MAP3K4: variants seen among roughly 807,000 people sequenced by gnomAD.
The protein encoded by MAP3K4 is mitogen-activated protein kinase kinase kinase 4, also known as MAP three kinase 1.
A neutral mutation model predicts 185.6 loss-of-function variants in MAP3K4; 67 were observed. The observed-to-expected ratio is 0.36, with a 90% CI of 0.30 to 0.44. The LOEUF is 0.44. MAP3K4 is among the 20% of genes least tolerant of loss of function. The probability of loss-of-function intolerance (pLI) is 1.00; values close to 1 mark genes in which losing one functional copy is unlikely to be tolerated. For missense variants in MAP3K4, 1,551 were observed against 1,995.1 expected, an observed-to-expected ratio of 0.78 and a Z score of 4.24; for synonymous variants, 702 against 710.4, an observed-to-expected ratio of 0.99 and a Z score of 0.19.
intron 1 of MAP3K4, among the ~76,000 whole-genome samples, chr6:160,992,838 A>C (rs184155110): frequency 2.6e-5 from 4 of 152,236 alleles, no homozygotes; most frequent in African/African-American, 9.6e-5. Flanking sequence ...AATTGAGAGA[A>C]CAAACTCACC....
In MAP3K4 at chr6:161,073,618, A is replaced by G. The variant is rs1462339108; in HGVS notation, c.2097+6A>G. 1 of 1,602,018 alleles carries G rather than the reference A, an allele frequency of 6.2e-7. No individual in the cohort carries two copies. Among genetic ancestry groups the G allele is most frequent in the Admixed American group, 1.8e-5 (1 of 57,022 alleles). On this transcript the variant is annotated splice_donor_region_variant and intron_variant, in intron 5 of 26. Transcript: ENST00000392142. This position sits in a 1 kb window ranked among gnomAD's most constrained non-coding sequence, Gnocchi z 4.2. ...ATCTACATAAAATGCTTATGGTCAG[A>G]AGCAGTGGGGAGGAATTTTTCTTTC...
rs1783072982 is a variant in MAP3K4, at chr6:161,034,512, A to G, written c.343+63A>G. On this transcript the variant is annotated intron_variant, in intron 2 of 26. Coordinates refer to ENST00000392142, the MANE Select transcript of MAP3K4 (RefSeq NM_005922.4). The surrounding 1 kb of genome is among the most constrained non-coding windows in gnomAD (Gnocchi z 4.4). Reference sequence around the variant, plus strand: ...GTATGGCACTTGATTGATTCTTTCAACAATAAAGTTAGCAATTTCTTTTAT... The same window carrying G: ...GTATGGCACTTGATTGATTCTTTCAGCAATAAAGTTAGCAATTTCTTTTAT... The G allele has an allele frequency of 3.1e-6, 4 of 1,309,518 alleles. No homozygotes were observed. Among genetic ancestry groups the G allele is most frequent in the South Asian group, 1.5e-5 (1 of 65,824 alleles). The allele number at this position is 1,309,518 out of a possible 1,614,324, so 81.1% of individuals were successfully genotyped here. A position where few individuals can be genotyped will look rare whatever the true frequency, so the allele number is the denominator to read the frequency against.
chr6:161,074,350 C>T lies in MAP3K4; in HGVS notation c.2097+738C>T, dbSNP rs749516663. 2.3e-4 allele frequency among the ~76,000 whole-genome samples: 35 copies of T among 152,340 alleles called. No homozygotes were observed. The highest frequency in any genetic ancestry group is 6.2e-4 in the South Asian group (3 of 4,828). On this transcript the variant is annotated intron_variant, in intron 5 of 26. Coordinates refer to ENST00000392142, the MANE Select transcript of MAP3K4 (RefSeq NM_005922.4). This position sits in a 1 kb window ranked among gnomAD's most constrained non-coding sequence, Gnocchi z 5.0. ...CACTGAATGTGCCCTGTGCTTTTAA[C>T]CTCTGTTCACATTCTTCTTTCCTGT... is the stretch of plus-strand genomic sequence containing the variant.
chr6:161,002,059 T>G (rs1216256238), intron 1 of MAP3K4, among the ~76,000 whole-genome samples: 2 of 151,194 alleles, frequency 1.3e-5, no homozygotes, highest in African/African-American at 2.4e-5. Context: ...GGTTTTTTTT[T>G]TTTTTTTTTT....
At chr6:161,036,581 T>A (rs1783174240) in intron 2 of MAP3K4, among the ~76,000 whole-genome samples, 2 of 152,244 alleles carry the variant, frequency 1.3e-5, no homozygotes, top group African/African-American at 4.8e-5. Flanking sequence ...TGAACTTTTT[T>A]TGTCACAGAA....
Position 161,112,041 on chromosome 6 carries a change from T to C in MAP3K4, c.4519+83T>C. On this transcript the variant is annotated intron_variant, in intron 24 of 26. Transcript: ENST00000392142. The surrounding 1 kb of genome is among the most constrained non-coding windows in gnomAD (Gnocchi z 5.1). Reference sequence around the variant, plus strand: ...TGCATGTTCCCTTCACCTTTGTTTGTCAGTAGAGATGGGAGAGCAGGTAAA... The same window carrying C: ...TGCATGTTCCCTTCACCTTTGTTTGCCAGTAGAGATGGGAGAGCAGGTAAA... The C allele has an allele frequency of 1.3e-6, 2 of 1,547,492 alleles. No homozygotes were observed. Among genetic ancestry groups the C allele is most frequent in the Non-Finnish European group, 1.8e-6 (2 of 1,140,692 alleles).
chr6:161,048,888 A>G lies in MAP3K4; in HGVS notation c.616A>G (p.Ile206Val), dbSNP rs148565000. The part of the protein sequence containing the change: ...AKLPVSVPMP[I>V]ARPARQTSRT... Reference sequence around the variant, plus strand: ...GCTTCCAGTATCTGTGCCCATGCCTATAGCCAGACCTGCACGCCAGACTTC... The same window carrying G: ...GCTTCCAGTATCTGTGCCCATGCCTGTAGCCAGACCTGCACGCCAGACTTC... The change falls in exon 3 of 27, where the codon ATA becomes GTA. Residue 206 changes from isoleucine (I) to valine (V), a missense_variant. Transcript: ENST00000392142. The surrounding 1 kb of genome is among the most constrained non-coding windows in gnomAD (Gnocchi z 4.7). 1,228 of 1,614,110 alleles carry G rather than the reference A, an allele frequency of 7.6e-4. No individual in the cohort carries two copies. Among genetic ancestry groups the G allele is most frequent in the Non-Finnish European group, 9.9e-4 (1,169 of 1,180,048 alleles).
In MAP3K4 at chr6:161,049,344, A is replaced by G; in HGVS notation, c.1072A>G (p.Met358Val). 3 of 1,614,156 alleles carry G rather than the reference A, an allele frequency of 1.9e-6. No individual in the cohort carries two copies. The highest frequency in any genetic ancestry group is 1.1e-5 in the South Asian group (1 of 91,086). The part of the protein sequence containing the change: ...RVSFEQVKRI[M>V]ELLEYIEALY... ...CTCATTTGAGCAGGTAAAACGGATA[A>G]TGGAGCTGCTAGAGTACATAGAAGC... is the stretch of plus-strand genomic sequence containing the variant. The change falls in exon 3 of 27, where the codon ATG becomes GTG. Residue 358 changes from methionine (M) to valine (V), a missense_variant. Met to Val is a conservative substitution (Grantham distance 21). This residue lies in a region of MAP3K4 where 93 missense variants were observed against 96.7 expected (regional missense o/e 0.96). Coordinates refer to ENST00000392142, the MANE Select transcript of MAP3K4 (RefSeq NM_005922.4). This position sits in a 1 kb window ranked among gnomAD's most constrained non-coding sequence, Gnocchi z 8.4.
At chr6:161,016,442 C>G (rs991801703) in intron 1 of MAP3K4, among the ~76,000 whole-genome samples, 1 of 152,292 alleles carries the variant, frequency 6.6e-6, no homozygotes, top group South Asian at 2.1e-4. Context: ...GATCCTATAG[C>G]TTTACCCCAG....
At chr6:161,005,206 A>G (rs966226825) in intron 1 of MAP3K4, among the ~76,000 whole-genome samples, 3 of 149,800 alleles carry the variant, frequency 2.0e-5, no homozygotes, top group African/African-American at 7.4e-5. Flanking sequence ...TGGTACCATC[A>G]TGGCTCACTG....
At chr6:161,000,525 G>A (rs550704515) in intron 1 of MAP3K4, among the ~76,000 whole-genome samples, 2 of 152,330 alleles carry the variant, frequency 1.3e-5, no homozygotes, top group Admixed American at 1.3e-4. Context: ...GAATTGTAAA[G>A]ATCAGTTTAA....
chr6:161,063,504 T>A lies in MAP3K4; in HGVS notation c.1708-7104T>A, dbSNP rs1255975301. ...GTTTGGGATTGGGGCTCTGAGTACC[T>A]TCTTCTCAAGTTTCAAACCATCTTC... On this transcript the variant is annotated intron_variant, in intron 3 of 26. Transcript: ENST00000392142. The surrounding 1 kb of genome is among the most constrained non-coding windows in gnomAD (Gnocchi z 5.4). Among the ~76,000 whole-genome samples the A allele has an allele frequency of 6.6e-6, 1 of 152,200 alleles. No homozygotes were observed. Among genetic ancestry groups the A allele is most frequent in the Non-Finnish European group, 1.5e-5 (1 of 68,034 alleles).
intron 25 of MAP3K4, among the ~76,000 whole-genome samples, chr6:161,113,249 GC>G (rs1778430878): frequency 6.6e-6 from 1 of 152,172 alleles, no homozygotes; most frequent in African/African-American, 2.4e-5. Context: ...AATGCATGTG[GC>G]TAAGTGATGA....
intron 1 of MAP3K4, among the ~76,000 whole-genome samples, chr6:161,005,945 G>T (rs1239216738): frequency 6.6e-6 from 1 of 152,114 alleles, no homozygotes; most frequent in Non-Finnish European, 1.5e-5. Flanking sequence ...CCGCCACCGT[G>T]CCTGGCTAAT....
intron 3 of MAP3K4, among the ~76,000 whole-genome samples, chr6:161,052,278 C>T (rs892577231): frequency 6.6e-6 from 1 of 151,294 alleles, no homozygotes; most frequent in South Asian, 2.1e-4. Context: ...ATTGAGAACA[C>T]GTGCCCTACA....
intron 2 of MAP3K4, among the ~76,000 whole-genome samples, chr6:161,047,216 G>A (rs185506245): frequency 2.0e-5 from 3 of 149,418 alleles, no homozygotes; most frequent in Admixed American, 2.0e-4. Context: ...AGAGGTGGGA[G>A]GATTGTTTGA....
chr6:161,039,122 T>C (rs767122298), intron 2 of MAP3K4, among the ~76,000 whole-genome samples: 75 of 152,084 alleles, frequency 4.9e-4, no homozygotes, highest in Admixed American at 9.2e-4. Context: ...CCAAATTCAC[T>C]GTGGGAGGCG....
intron 25 of MAP3K4, among the ~76,000 whole-genome samples, chr6:161,113,634 G>C (rs6919831): frequency 0.91 from 138,322 of 152,114 alleles, 63,069 homozygotes; most frequent in East Asian, 0.99. Flanking sequence ...GATATGGGAA[G>C]TCTCTGTACC....
intron 2 of MAP3K4, among the ~76,000 whole-genome samples, chr6:161,047,947 A>T (rs932979127): frequency 6.6e-6 from 1 of 152,238 alleles, no homozygotes; most frequent in African/African-American, 2.4e-5. Context: ...TAAGCAAATT[A>T]TACCAAATTA....
Sources: allele counts gnomAD v4.1 joint callset (sites outside exome capture counted in the v4.1 genomes callset), GRCh38; gene constraint gnomAD v4.1.1; regional missense constraint gnomAD v4.1.1; non-coding constraint Gnocchi (gnomAD v3.1); transcripts MANE v1.5; gene names NCBI Gene and HGNC (gene_info 2026-07-23, HGNC 2026-07-21).